BMAL1: variants seen among roughly 807,000 people sequenced by gnomAD.
BMAL1 encodes basic helix-loop-helix ARNT-like protein 1.
At chr11:13,367,715 AAAAAAAAAAAAAG>A in the BMAL1 span, among the ~76,000 whole-genome samples, 1 of 151,240 alleles carries the variant, frequency 6.6e-6, no homozygotes, top group Non-Finnish European at 1.5e-5. Flanking sequence ...AGAAAAAAAA[AAAAAAAAAAAAAG>A]AATGAGAACA....
At chr11:13,360,454 C>T in the BMAL1 span, 7,658 of 1,588,236 alleles carry the variant, frequency 4.8e-3, 40 homozygotes, top group Middle Eastern at 0.032. Context: ...TGTTTTACAA[C>T]GTTTGTTTTT....
chr11:13,385,162 T>G, the BMAL1 span, among the ~76,000 whole-genome samples: 1,163 of 152,232 alleles, frequency 7.6e-3, 4 homozygotes, highest in Non-Finnish European at 0.012. Flanking sequence ...TCTTACTGAG[T>G]AGTAGTAATA....
the BMAL1 span, among the ~76,000 whole-genome samples, chr11:13,313,164 G>A: frequency 6.6e-6 from 1 of 152,172 alleles, no homozygotes; most frequent in East Asian, 1.9e-4. Context: ...TCCCACCTCA[G>A]GCCTCGCTTT....
At chr11:13,314,652 C>T in the BMAL1 span, among the ~76,000 whole-genome samples, 1 of 152,136 alleles carries the variant, frequency 6.6e-6, no homozygotes, top group Non-Finnish European at 1.5e-5. Context: ...GGAATGAGGT[C>T]CACCCACCTT....
At chr11:13,312,673 A>G in the BMAL1 span, among the ~76,000 whole-genome samples, 1 of 152,120 alleles carries the variant, frequency 6.6e-6, no homozygotes, top group Non-Finnish European at 1.5e-5. Context: ...CTCTCCAATT[A>G]CCTCCAGCTT....
the BMAL1 span, among the ~76,000 whole-genome samples, chr11:13,346,727 G>A: frequency 5.3e-5 from 8 of 152,240 alleles, no homozygotes; most frequent in Middle Eastern, 3.4e-3. Flanking sequence ...TTTCTCTGGC[G>A]GTCCAGCATG....
At chr11:13,372,012 C>T in the BMAL1 span, 44 of 1,060,878 alleles carry the variant, frequency 4.1e-5, 2 homozygotes, top group Admixed American at 1.0e-3. Context: ...TTTCCGTCTG[C>T]CCCTTTCATT....
chr11:13,368,890 A>G, the BMAL1 span, among the ~76,000 whole-genome samples: 1 of 152,234 alleles, frequency 6.6e-6, no homozygotes, highest in African/African-American at 2.4e-5. Flanking sequence ...ACTCCAAAAT[A>G]TTTCAGCATG....
chr11:13,308,044 CT>C, the BMAL1 span, among the ~76,000 whole-genome samples: 1 of 152,084 alleles, frequency 6.6e-6, no homozygotes, highest in Non-Finnish European at 1.5e-5. Flanking sequence ...AATTAGGAGA[CT>C]GTCGCAGCAA....
the BMAL1 span, among the ~76,000 whole-genome samples, chr11:13,288,657 G>A: frequency 3.3e-5 from 5 of 152,088 alleles, no homozygotes; most frequent in South Asian, 2.1e-4. Context: ...TCTCTCTAAA[G>A]CATCAGTCCA....
At chr11:13,374,199 A>G in the BMAL1 span, 1 of 1,612,464 alleles carries the variant, frequency 6.2e-7, no homozygotes, top group East Asian at 2.2e-5. Context: ...TGTCATAGGC[A>G]AGGTAAGCTA....
chr11:13,359,081 T>C, the BMAL1 span, among the ~76,000 whole-genome samples: 1 of 152,252 alleles, frequency 6.6e-6, no homozygotes, highest in Non-Finnish European at 1.5e-5. Flanking sequence ...CTGAAGATAT[T>C]TTCATCTTCC....
At chr11:13,317,865 T>G in the BMAL1 span, among the ~76,000 whole-genome samples, 1 of 152,264 alleles carries the variant, frequency 6.6e-6, no homozygotes, top group Non-Finnish European at 1.5e-5. Flanking sequence ...AGGCAGAGGT[T>G]GAAAACTGTC....
the BMAL1 span, among the ~76,000 whole-genome samples, chr11:13,361,341 A>T: frequency 6.6e-6 from 1 of 152,168 alleles, no homozygotes; most frequent in Non-Finnish European, 1.5e-5. Flanking sequence ...AGGGAAAGAA[A>T]CTGGATTCAG....
At chr11:13,357,048 C>T in the BMAL1 span, 4 of 1,614,038 alleles carry the variant, frequency 2.5e-6, no homozygotes, top group Admixed American at 5.0e-5. This position sits in a 1 kb window ranked among gnomAD's most constrained non-coding sequence, Gnocchi z 4.8. Flanking sequence ...CTTTTTCCTC[C>T]CCCCAGGTTA....
At chr11:13,315,580 G>A in the BMAL1 span, among the ~76,000 whole-genome samples, 2 of 152,206 alleles carry the variant, frequency 1.3e-5, no homozygotes, top group Non-Finnish European at 2.9e-5. Flanking sequence ...CCCAGATGCT[G>A]GACTGTGGGT....
the BMAL1 span, among the ~76,000 whole-genome samples, chr11:13,338,586 C>T: frequency 1.3e-5 from 2 of 152,162 alleles, no homozygotes; most frequent in South Asian, 2.1e-4. Flanking sequence ...GCCTGCCCTG[C>T]CCTCTTTCTC....
At chr11:13,350,310 G>A in the BMAL1 span, among the ~76,000 whole-genome samples, 2 of 152,194 alleles carry the variant, frequency 1.3e-5, no homozygotes, top group East Asian at 3.9e-4. Flanking sequence ...CTGAGGGCAG[G>A]GCTCTGTACT....
At chr11:13,320,257 C>T in the BMAL1 span, among the ~76,000 whole-genome samples, 439 of 152,366 alleles carry the variant, frequency 2.9e-3, 1 homozygote, top group African/African-American at 1.0e-2. Flanking sequence ...TAGCTCTCCT[C>T]TCTGGCTCTG....
Sources: allele counts gnomAD v4.1 joint callset (sites outside exome capture counted in the v4.1 genomes callset), GRCh38; gene constraint gnomAD v4.1.1; non-coding constraint Gnocchi (gnomAD v3.1); transcripts MANE v1.5; gene names NCBI Gene and HGNC (gene_info 2026-07-23, HGNC 2026-07-21).